ANKS1B: variants seen among roughly 807,000 people sequenced by gnomAD.
The protein encoded by ANKS1B is ankyrin repeat and sterile alpha motif domain-containing protein 1B.
In ANKS1B, 36 loss-of-function variants were observed where a neutral mutation model predicts 148.3. The observed-to-expected ratio is 0.24, with a 90% CI of 0.19 to 0.32. ANKS1B has a LOEUF of 0.32. ANKS1B is among the 10% of genes least tolerant of loss of function. ANKS1B has a pLI of 1.00. For synonymous variants in ANKS1B, 542 were observed against 560.8 expected, an observed-to-expected ratio of 0.97 and a Z score of 0.47; for missense variants, 1,157 against 1,542.6, an observed-to-expected ratio of 0.75 and a Z score of 4.19.
intron 8 of ANKS1B, among the ~76,000 whole-genome samples, chr12:99,688,786 A>T (rs114463494): frequency 0.019 from 2,901 of 152,152 alleles, 106 homozygotes; most frequent in African/African-American, 0.066. Flanking sequence ...GGCTGCAGTG[A>T]GCTATGATTG....
intron 8 of ANKS1B, among the ~76,000 whole-genome samples, chr12:99,724,258 A>G (rs1046376930): frequency 1.3e-5 from 2 of 152,238 alleles, no homozygotes; most frequent in Admixed American, 1.3e-4. Flanking sequence ...AGAACCTTGA[A>G]AAAAGGTTAC....
intron 16 of ANKS1B, among the ~76,000 whole-genome samples, chr12:99,075,346 T>G (rs1254896917): frequency 1.3e-5 from 2 of 152,140 alleles, no homozygotes; most frequent in African/African-American, 4.8e-5. Flanking sequence ...GAAGGGTCCA[T>G]GATGGAAGAA....
At chr12:99,041,621 T>G (rs1428924811) in intron 17 of ANKS1B, among the ~76,000 whole-genome samples, 3 of 152,136 alleles carry the variant, frequency 2.0e-5, no homozygotes, top group Non-Finnish European at 2.9e-5. Context: ...TCTGAGATGG[T>G]TTTGATTTCA....
chr12:99,257,527 A>C (rs568719159), intron 12 of ANKS1B, among the ~76,000 whole-genome samples: 184 of 152,210 alleles, frequency 1.2e-3, no homozygotes, highest in Middle Eastern at 0.01. Context: ...CTACTATTAT[A>C]GTCACCATTT....
At chr12:99,345,440 T>G (rs947333518) in intron 12 of ANKS1B, among the ~76,000 whole-genome samples, 11 of 151,996 alleles carry the variant, frequency 7.2e-5, no homozygotes. Flanking sequence ...GACGTTAGTA[T>G]AGTTTATGAG....
At chr12:99,790,860 G>A (rs1430686433) in intron 4 of ANKS1B, among the ~76,000 whole-genome samples, 1 of 151,788 alleles carries the variant, frequency 6.6e-6, no homozygotes, top group Admixed American at 6.6e-5. Context: ...AAAAGGAAGA[G>A]CAGACCGCCA....
intron 17 of ANKS1B, among the ~76,000 whole-genome samples, chr12:99,038,065 A>G (rs899630564): frequency 2.6e-5 from 4 of 152,354 alleles, no homozygotes; most frequent in Admixed American, 1.3e-4. Context: ...CATGGGGTAC[A>G]GAGCGCAGAA....
intron 8 of ANKS1B, among the ~76,000 whole-genome samples, chr12:99,725,937 T>C (rs1284947046): frequency 6.6e-6 from 1 of 152,144 alleles, no homozygotes; most frequent in Non-Finnish European, 1.5e-5. Context: ...ATCAAGTTAT[T>C]TGAAACCAAT....
intron 8 of ANKS1B, among the ~76,000 whole-genome samples, chr12:99,736,065 T>C (rs1000992226): frequency 6.6e-6 from 1 of 151,968 alleles, no homozygotes; most frequent in East Asian, 1.9e-4. Context: ...TCAACAATGC[T>C]TCATGATAAA....
chr12:99,974,830 C>T (rs1396014930), intron 1 of ANKS1B, among the ~76,000 whole-genome samples: 6 of 152,096 alleles, frequency 3.9e-5, no homozygotes, highest in African/African-American at 1.2e-4. Flanking sequence ...GCTGGGATTA[C>T]GGGCATGAGC....
chr12:99,793,076 T>C (rs1347596419), intron 4 of ANKS1B, among the ~76,000 whole-genome samples: 1 of 151,516 alleles, frequency 6.6e-6, no homozygotes, highest in Non-Finnish European at 1.5e-5. Flanking sequence ...AAAGAAAATT[T>C]TAAAAATCCC....
chr12:99,512,247 A>G (rs2096774048), intron 9 of ANKS1B, among the ~76,000 whole-genome samples: 1 of 152,084 alleles, frequency 6.6e-6, no homozygotes, highest in Non-Finnish European at 1.5e-5. Flanking sequence ...CGGGCAAAGG[A>G]CATAAACAGA....
At chr12:98,770,886 G>A (rs553189140) in intron 25 of ANKS1B, among the ~76,000 whole-genome samples, 1 of 152,202 alleles carries the variant, frequency 6.6e-6, no homozygotes, top group South Asian at 2.1e-4. Flanking sequence ...CGTGATTCCT[G>A]ATTCTTTAAA....
intron 17 of ANKS1B, among the ~76,000 whole-genome samples, chr12:98,839,649 T>C (rs1256123466): frequency 1.3e-5 from 2 of 152,226 alleles, no homozygotes; most frequent in Admixed American, 6.5e-5. Context: ...TGGATATCTC[T>C]GGGTAGATTT....
rs1217424737 is a variant in ANKS1B at position 99,401,651 on chromosome 12, G to A, written c.1576-1840C>T. On this transcript the variant is annotated intron_variant, in intron 11 of 26. Coordinates refer to ENST00000683438, the MANE Select transcript of ANKS1B (RefSeq NM_001352186.2). ...ACACTAAACTGCAGATATCATGCAC[G>A]TAAGCACTGTGATAGGAATAAAACA... 3.4e-5 allele frequency among the ~76,000 whole-genome samples: 5 copies of A among 146,538 alleles called. 1 individual carries two copies. Among genetic ancestry groups the A allele is most frequent in the African/African-American group, 1.0e-4 (4 of 38,772 alleles).
chr12:99,056,149 G>A (rs763734534), intron 16 of ANKS1B, among the ~76,000 whole-genome samples: 1 of 152,146 alleles, frequency 6.6e-6, no homozygotes, highest in Non-Finnish European at 1.5e-5. Context: ...TGCCTATTCT[G>A]ATGAATGTTG....
intron 4 of ANKS1B, among the ~76,000 whole-genome samples, chr12:99,805,481 G>C (rs1358529030): frequency 6.6e-6 from 1 of 151,584 alleles, no homozygotes; most frequent in Non-Finnish European, 1.5e-5. Flanking sequence ...AAACTTAGCT[G>C]GGTATGGTGG....
Position 99,902,752 on chromosome 12 carries a change from CTT to C in ANKS1B, c.135-77365_135-77364del, listed in dbSNP as rs58515396. On this transcript the variant is annotated intron_variant, in intron 1 of 26. Transcript: ENST00000683438. ...AGATCCTCAAAATAGCTGTTATACA[CTT>C]TTTTTTTTTTTTTTGAGACAGAGTC... is the stretch of plus-strand genomic sequence containing the variant. Among the ~76,000 whole-genome samples the C allele has an allele frequency of 2.0e-3, 277 of 139,632 alleles. 9 individuals carry two copies. In the East Asian group the frequency reaches 0.042, roughly 21 times the overall value. 91.6% of individuals were successfully genotyped at this position (139,632 alleles called of 152,430 possible). A position where few individuals can be genotyped will look rare whatever the true frequency, so the allele number is the denominator to read the frequency against.
In ANKS1B at chr12:99,422,459, T is replaced by C. The variant is rs139542594; in HGVS notation, c.1575+21214A>G. Reference sequence around the variant, plus strand: ...ACCAGGGATCTAACCTAATTTGGAGTGTAAAGAGAAGCTTCTTTAAGGAAG... The same window carrying C: ...ACCAGGGATCTAACCTAATTTGGAGCGTAAAGAGAAGCTTCTTTAAGGAAG... On this transcript the variant is annotated intron_variant, in intron 11 of 26. Coordinates refer to ENST00000683438, the MANE Select transcript of ANKS1B (RefSeq NM_001352186.2). Among the ~76,000 whole-genome samples, 29 of 152,206 alleles carry C rather than the reference T, an allele frequency of 1.9e-4. No individual in the cohort carries two copies. In the East Asian group the frequency reaches 5.6e-3, roughly 29 times the overall value.
Sources: gnomAD v4.1 joint callset for allele counts (sites outside exome capture counted in the v4.1 genomes callset) on GRCh38, gnomAD v4.1.1 for gene constraint, MANE v1.5 for transcripts, NCBI Gene and HGNC (gene_info 2026-07-23, HGNC 2026-07-21) for gene names.